Variants in AMD1 observed in about 807,000 individuals in gnomAD.
AMD1 encodes the protein S-adenosylmethionine decarboxylase proenzyme.
AMD1 carries 11 observed loss-of-function variants against 40.2 expected under a neutral mutation model. The observed-to-expected ratio is 0.27, with a 90% CI of 0.17 to 0.45. The LOEUF is 0.45. Among genes scored for constraint, AMD1 ranks in the 20% least tolerant of loss-of-function variants. The probability of loss-of-function intolerance (pLI) is 1.00; values close to 1 mark genes in which losing one functional copy is unlikely to be tolerated. For missense variants in AMD1, 257 were observed against 410.2 expected (o/e 0.63, Z 3.23); for synonymous variants, 121 against 130.8 (o/e 0.93, Z 0.51).
the AMD1 span, among the ~76,000 whole-genome samples, chr6:110,828,572 G>A: frequency 6.6e-6 from 1 of 152,228 alleles, no homozygotes; most frequent in Non-Finnish European, 1.5e-5. Context: ...GTCATGAGGA[G>A]AACTGAGCTG....
the AMD1 span, among the ~76,000 whole-genome samples, chr6:110,838,763 G>T: frequency 2.4e-3 from 369 of 152,246 alleles, 1 homozygote; most frequent in African/African-American, 8.3e-3. Flanking sequence ...AGAGGCTGAG[G>T]CAGGAGAATC....
At chr6:110,875,355 G>C in intron 1 of AMD1, 140 bp downstream of exon 1, 1 of 713,680 alleles carries the variant, frequency 1.4e-6, no homozygotes, top group Non-Finnish European at 2.3e-6. Context: ...CGGCGGCCTT[G>C]GAAGGTGCGC....
At chr6:110,816,265 G>A in the AMD1 span, among the ~76,000 whole-genome samples, 1 of 152,140 alleles carries the variant, frequency 6.6e-6, no homozygotes, top group Non-Finnish European at 1.5e-5. Flanking sequence ...GGAGGAAGCC[G>A]CGTTTACGAT....
the AMD1 span, among the ~76,000 whole-genome samples, chr6:110,817,352 G>A: frequency 7.9e-5 from 12 of 152,322 alleles, no homozygotes; most frequent in African/African-American, 2.9e-4. Context: ...GCTCACACCT[G>A]TAATCCCAGC....
the AMD1 span, among the ~76,000 whole-genome samples, chr6:110,834,676 C>T: frequency 4.6e-5 from 7 of 151,846 alleles, no homozygotes; most frequent in Admixed American, 3.3e-4. Flanking sequence ...AAAAATCTGG[C>T]GGCCAGGCAC....
intron 1 of AMD1, among the ~76,000 whole-genome samples, chr6:110,880,972 A>G (rs892105052): frequency 3.3e-5 from 5 of 152,174 alleles, no homozygotes; most frequent in South Asian, 2.1e-4. Flanking sequence ...GTCTTGTTAT[A>G]ATATAATTAT....
chr6:110,849,990 A>G, the AMD1 span, among the ~76,000 whole-genome samples: 14 of 151,380 alleles, frequency 9.2e-5, no homozygotes, highest in African/African-American at 3.2e-4. Context: ...TTGCCACTGA[A>G]CTTTAGCCTG....
chr6:110,882,484 G>C (rs1165004939), intron 1 of AMD1, among the ~76,000 whole-genome samples: 1 of 152,162 alleles, frequency 6.6e-6, no homozygotes, highest in Non-Finnish European at 1.5e-5. Flanking sequence ...TACAAAAGCA[G>C]GCCATTTTTT....
chr6:110,837,569 A>C, the AMD1 span, among the ~76,000 whole-genome samples: 1 of 149,390 alleles, frequency 6.7e-6, no homozygotes, highest in Non-Finnish European at 1.5e-5. Context: ...AAATTAGCCA[A>C]GTGTGATGGC....
the AMD1 span, among the ~76,000 whole-genome samples, chr6:110,827,500 C>T: frequency 6.6e-6 from 1 of 152,000 alleles, no homozygotes; most frequent in East Asian, 1.9e-4. Flanking sequence ...TGTGGTGGCT[C>T]ACGCCTGTAA....
the AMD1 span, among the ~76,000 whole-genome samples, chr6:110,832,265 A>G: frequency 6.6e-6 from 1 of 151,488 alleles, no homozygotes; most frequent in Non-Finnish European, 1.5e-5. Context: ...TTAGCCCCCC[A>G]AAGTGCTGGG....
chr6:110,878,272 C>G (rs1583211324), intron 1 of AMD1, among the ~76,000 whole-genome samples: 1 of 141,364 alleles, frequency 7.1e-6, no homozygotes, highest in Non-Finnish European at 1.6e-5. Flanking sequence ...TGCAATCCAT[C>G]TGGAATTGAT....
chr6:110,859,610 G>GC, the AMD1 span, among the ~76,000 whole-genome samples: 1 of 152,256 alleles, frequency 6.6e-6, no homozygotes, highest in South Asian at 2.1e-4. Context: ...TGGAGAGGGT[G>GC]CTGGGAAATG....
intron 1 of AMD1, among the ~76,000 whole-genome samples, chr6:110,876,505 C>T (rs962200084): frequency 3.9e-5 from 6 of 152,188 alleles, no homozygotes; most frequent in East Asian, 1.9e-4. Context: ...CAGGCAGACA[C>T]GTGCTACCGA....
intron 1 of AMD1, among the ~76,000 whole-genome samples, chr6:110,886,727 T>C (rs1379357712): frequency 6.6e-6 from 1 of 152,204 alleles, no homozygotes; most frequent in African/African-American, 2.4e-5. Context: ...GAGCTGTGAT[T>C]GCACCACTGC....
the AMD1 span, among the ~76,000 whole-genome samples, chr6:110,821,734 A>G: frequency 6.6e-6 from 1 of 152,220 alleles, no homozygotes; most frequent in Non-Finnish European, 1.5e-5. Flanking sequence ...ACCTTGTCTC[A>G]AAATAAAATA....
chr6:110,842,380 G>A, the AMD1 span, among the ~76,000 whole-genome samples: 2 of 152,136 alleles, frequency 1.3e-5, 1 homozygote, highest in South Asian at 4.1e-4. Context: ...AAGGCAGCAG[G>A]CTTAATGTCC....
At chr6:110,819,345 G>A in the AMD1 span, among the ~76,000 whole-genome samples, 2 of 152,080 alleles carry the variant, frequency 1.3e-5, no homozygotes, top group African/African-American at 2.4e-5. Context: ...CAACAAGATC[G>A]AAACTCTGTT....
At chr6:110,816,819 G>A in the AMD1 span, among the ~76,000 whole-genome samples, 1 of 152,126 alleles carries the variant, frequency 6.6e-6, no homozygotes. Context: ...CAACTCCTGA[G>A]CTCAAGGATC....
Sources: allele counts gnomAD v4.1 joint callset (sites outside exome capture counted in the v4.1 genomes callset), GRCh38; gene constraint gnomAD v4.1.1; transcripts MANE v1.5; gene names NCBI Gene and HGNC (gene_info 2026-07-23, HGNC 2026-07-21).